ANK2: variants seen among roughly 807,000 people sequenced by gnomAD.
ANK2 encodes ankyrin 2, also known as ankyrin-2.
In ANK2, 83 loss-of-function variants were observed where a neutral mutation model predicts 360.5. That is an observed-to-expected ratio of 0.23 (90% CI 0.19 to 0.28). The LOEUF is 0.28. ANK2 is among the 10% of genes least tolerant of loss of function. ANK2 has a pLI of 1.00. For synonymous variants in ANK2, 1,740 were observed against 1,759.5 expected, an observed-to-expected ratio of 0.99 and a Z score of 0.28; for missense variants, 4,201 against 4,795.7, an observed-to-expected ratio of 0.88 and a Z score of 3.66.
At chr4:113,013,087 A>G (rs560506868) in intron 2 of ANK2, among the ~76,000 whole-genome samples, 2 of 152,320 alleles carry the variant, frequency 1.3e-5, no homozygotes, top group South Asian at 2.1e-4. Context: ...TAAGTGAAAG[A>G]CATTGTTTAT....
chr4:112,944,098 G>A (rs2094408205), intron 2 of ANK2, among the ~76,000 whole-genome samples: 1 of 152,102 alleles, frequency 6.6e-6, no homozygotes, highest in Non-Finnish European at 1.5e-5. Flanking sequence ...CATGTATAAA[G>A]GTTATCCACA....
At chr4:113,236,381 C>A (rs2099384246) in intron 5 of ANK2, among the ~76,000 whole-genome samples, 1 of 152,192 alleles carries the variant, frequency 6.6e-6, no homozygotes, top group Non-Finnish European at 1.5e-5. Context: ...AATTTTATAT[C>A]TCAATGGTCA....
At chr4:112,803,072 A>T in the ANK2 span, among the ~76,000 whole-genome samples, 1 of 152,100 alleles carries the variant, frequency 6.6e-6, no homozygotes, top group African/African-American at 2.4e-5. Flanking sequence ...GACACCACTG[A>T]TTTAGGAAGA....
In ANK2 at chr4:113,357,522, T is replaced by C. The variant is rs1345490495; in HGVS notation, c.8904T>C (p.Val2968=). 1.2e-6 allele frequency: 2 copies of C among 1,614,158 alleles called. No individual in the cohort carries two copies. Among genetic ancestry groups the C allele is most frequent in the Non-Finnish European group, 1.7e-6 (2 of 1,179,994 alleles). Residue 2968 remains valine (V), a synonymous_variant, in exon 38 of 46, where the codon GTT becomes GTC. Coordinates refer to ENST00000357077, the MANE Select transcript of ANK2 (RefSeq NM_001148.6). ...ATTCTGTTACCATCACATCCCCTGT[T>C]GAAGACGTTGTAGTGGCAAGCTCCT... is the stretch of plus-strand genomic sequence containing the variant. ...EVYSVTITSP[V]EDVVVASSSS...
the ANK2 span, among the ~76,000 whole-genome samples, chr4:112,706,353 C>A: frequency 6.6e-6 from 1 of 152,114 alleles, no homozygotes; most frequent in Admixed American, 6.5e-5. Context: ...CATCGCCCGG[C>A]CCAGGACCAT....
At chr4:113,001,188 G>A (rs934403589) in intron 2 of ANK2, among the ~76,000 whole-genome samples, 5 of 151,760 alleles carry the variant, frequency 3.3e-5, no homozygotes, top group African/African-American at 7.3e-5. Context: ...AAAATTAGCC[G>A]GGCATGTTGG....
At chr4:112,785,604 C>T in the ANK2 span, among the ~76,000 whole-genome samples, 1 of 152,068 alleles carries the variant, frequency 6.6e-6, no homozygotes, top group Non-Finnish European at 1.5e-5. Flanking sequence ...AACACCTGAC[C>T]TCGTGATCCA....
Position 112,960,188 on chromosome 4 carries a change from C to T in ANK2, c.21+55674C>T, listed in dbSNP as rs143936539. On this transcript the variant is annotated intron_variant, in intron 2 of 30. Transcript: ENST00000503271. ...GTGATAACGTAAAGCCCATCTGTGT[C>T]AGGAATATCGGGAGGTGCCATTAGG... Among the ~76,000 whole-genome samples the T allele has an allele frequency of 8.5e-5, 13 of 152,230 alleles. No homozygotes were observed. The East Asian group carries it at 1.2e-3, about 14-fold the overall frequency.
chr4:113,374,338 A>G (rs2154077008), intron 45 of ANK2, among the ~76,000 whole-genome samples: 1 of 152,326 alleles, frequency 6.6e-6, no homozygotes, highest in Non-Finnish European at 1.5e-5. Context: ...TCAAAATTTT[A>G]TATTATACAC....
At chr4:113,004,068 C>G (rs57096166) in intron 2 of ANK2, among the ~76,000 whole-genome samples, 3,315 of 152,280 alleles carry the variant, frequency 0.022, 118 homozygotes, top group African/African-American at 0.076. Flanking sequence ...GTGGGTGAGT[C>G]AGTGAGTGAG....
At chr4:112,783,457 C>T in the ANK2 span, among the ~76,000 whole-genome samples, 1 of 152,108 alleles carries the variant, frequency 6.6e-6, no homozygotes, top group Non-Finnish European at 1.5e-5. Context: ...CAGGTAACAA[C>T]TCTCATCATT....
At chr4:113,011,615 C>T (rs533501105) in intron 2 of ANK2, among the ~76,000 whole-genome samples, 6 of 151,962 alleles carry the variant, frequency 3.9e-5, no homozygotes, top group Non-Finnish European at 8.8e-5. Flanking sequence ...GTTGGTTTGT[C>T]AAGATTTCTC....
intron 45 of ANK2, chr4:113,378,179 A>C (rs2097026568): frequency 2.4e-6 from 3 of 1,262,804 alleles, no homozygotes; most frequent in South Asian, 2.5e-5. Context: ...CAATAATTAA[A>C]AGGTTTGGGT....
At chr4:112,995,754 A>G (rs1304952768) in intron 2 of ANK2, among the ~76,000 whole-genome samples, 1 of 152,090 alleles carries the variant, frequency 6.6e-6, no homozygotes, top group Non-Finnish European at 1.5e-5. Flanking sequence ...ATCTATCTCA[A>G]TTTCATTTTG....
chr4:112,893,569 C>T (rs1409440548), intron 1 of ANK2, among the ~76,000 whole-genome samples: 5 of 152,186 alleles, frequency 3.3e-5, no homozygotes, highest in African/African-American at 9.7e-5. Context: ...AACTTCAGGA[C>T]ACACTGTCAT....
intron 1 of ANK2, among the ~76,000 whole-genome samples, chr4:112,875,057 A>G (rs1469430449): frequency 1.8e-4 from 26 of 145,496 alleles, no homozygotes; most frequent in African/African-American, 6.6e-4. Flanking sequence ...TTTTTTTTTG[A>G]GACTGAGTCT....
At chr4:112,969,134 G>T (rs1226347666) in intron 2 of ANK2, among the ~76,000 whole-genome samples, 1 of 152,146 alleles carries the variant, frequency 6.6e-6, no homozygotes, top group South Asian at 2.1e-4. Flanking sequence ...TTTTCCAAAG[G>T]CTTTATTTAT....
At chr4:112,846,422 C>G (rs1190296806) in intron 1 of ANK2, among the ~76,000 whole-genome samples, 2 of 152,178 alleles carry the variant, frequency 1.3e-5, no homozygotes, top group Non-Finnish European at 2.9e-5. Flanking sequence ...ACCCTATTAA[C>G]TTTTAATAGG....
chr4:113,302,932 A>G, intron 23 of ANK2, 93 bp downstream of exon 23: 1 of 1,091,750 alleles, frequency 9.2e-7, no homozygotes, highest in Non-Finnish European at 1.4e-6. Flanking sequence ...GGTTATGTGG[A>G]TGACAGAATC....
Sources: allele counts gnomAD v4.1 joint callset (sites outside exome capture counted in the v4.1 genomes callset), GRCh38; gene constraint gnomAD v4.1.1; transcripts MANE v1.5; gene names NCBI Gene and HGNC (gene_info 2026-07-23, HGNC 2026-07-21).